Variants in ABCA12 observed in about 807,000 individuals in gnomAD.
ABCA12 encodes the protein glucosylceramide transporter ABCA12.
In ABCA12, 156 loss-of-function variants were observed where a neutral mutation model predicts 293.5. The observed-to-expected ratio is 0.53, with a 90% CI of 0.47 to 0.61. The LOEUF (loss-of-function observed/expected upper bound fraction) is 0.61, where lower values mean the gene tolerates loss of function less well. ABCA12 is among the 20% of genes least tolerant of loss of function. The probability of loss-of-function intolerance (pLI) is 0.00; values close to 1 mark genes in which losing one functional copy is unlikely to be tolerated. For missense variants in ABCA12, 2,797 were observed against 3,090.2 expected (o/e 0.91, Z 2.25); for synonymous variants, 1,063 against 1,108.0 (o/e 0.96, Z 0.81).
chr2:214,933,585 T>A (rs1271111820), intron 52 of ABCA12, among the ~76,000 whole-genome samples: 1 of 151,550 alleles, frequency 6.6e-6, no homozygotes, highest in Non-Finnish European at 1.5e-5. Context: ...TCTGTAGTTA[T>A]TAAATGCAAA....
intron 1 of ABCA12, among the ~76,000 whole-genome samples, chr2:215,131,240 A>C (rs926606811): frequency 6.6e-6 from 1 of 151,714 alleles, no homozygotes; most frequent in Admixed American, 6.6e-5. Context: ...GTGATGGTGG[A>C]TTCATAGAAT....
chr2:214,946,210 G>T (rs1160725784), intron 48 of ABCA12, among the ~76,000 whole-genome samples: 1 of 151,954 alleles, frequency 6.6e-6, no homozygotes, highest in Non-Finnish European at 1.5e-5. Context: ...ATTATTATGT[G>T]TCAATTAAAA....
chr2:215,054,292 TAA>T, intron 4 of ABCA12, among the ~76,000 whole-genome samples: 1 of 152,046 alleles, frequency 6.6e-6, no homozygotes, highest in East Asian at 1.9e-4. Flanking sequence ...TGCAGACAAC[TAA>T]AGAGTCTAGA....
intron 3 of ABCA12, among the ~76,000 whole-genome samples, chr2:215,055,226 C>T (rs1322015612): frequency 6.6e-6 from 1 of 151,988 alleles, no homozygotes; most frequent in Non-Finnish European, 1.5e-5. Context: ...AAAGGAATAA[C>T]ATTAAAATAA....
In ABCA12 at chr2:215,135,226, CG is replaced by C. The variant is rs1289022076; in HGVS notation, c.69+2913del. Among the ~76,000 whole-genome samples, 6 of 152,110 alleles carry C rather than the reference CG, an allele frequency of 3.9e-5. No homozygotes were observed. The East Asian group carries it at 1.2e-3, about 29-fold the overall frequency. ...CACCTGATTCGGCCTCCCAAAGTGC[CG>C]GGATTACAGGCATGAGCCACTGCGC... On this transcript the variant is annotated intron_variant, in intron 1 of 52. Coordinates refer to ENST00000272895, the MANE Select transcript of ABCA12 (RefSeq NM_173076.3).
At chr2:214,996,356 G>C (rs568368552) in intron 23 of ABCA12, among the ~76,000 whole-genome samples, 1 of 152,062 alleles carries the variant, frequency 6.6e-6, no homozygotes, top group South Asian at 2.1e-4. Context: ...TCTATTTACT[G>C]TTTCTATCAC....
intron 9 of ABCA12, among the ~76,000 whole-genome samples, chr2:215,030,473 A>G (rs1175380778): frequency 9.9e-5 from 15 of 151,978 alleles, no homozygotes; most frequent in South Asian, 6.2e-4. Context: ...GCGTGGTGGC[A>G]AGCGCCTGTA....
chr2:215,001,839 A>C (rs1700153404), intron 20 of ABCA12, 102 bp from the exon 21 acceptor site: 3 of 1,055,032 alleles, frequency 2.8e-6, no homozygotes, highest in Non-Finnish European at 4.1e-6. Context: ...CTAGATTATA[A>C]ATAACAAAAG....
At position 215,099,480 on chromosome 2, in the gene ABCA12, G is replaced by T. The variant is rs569737384; in HGVS notation, c.163+12117C>A. On this transcript the variant is annotated intron_variant, in intron 2 of 52. Transcript: ENST00000272895. ...GAAGCCAAGGCGGGCAGATCACAAG[G>T]TCAAGAGATCGAGACCATCCAGGCC... is the stretch of plus-strand genomic sequence containing the variant. Among the ~76,000 whole-genome samples the T allele has an allele frequency of 2.0e-5, 3 of 152,256 alleles. 1 individual carries two copies. The South Asian group carries it at 6.2e-4, about 32-fold the overall frequency.
rs1701385692 is a variant in ABCA12, at chr2:215,054,650, T to C, written c.332A>G (p.Lys111Arg). The change falls in exon 4 of 53, where the codon AAG becomes AGG. Residue 111 changes from lysine (K) to arginine (R), a missense_variant. Around this residue, in one of 3 missense-constraint regions of ABCA12, gnomAD observed 656 missense variants for 638.2 expected, o/e 1.03. Coordinates refer to ENST00000272895, the MANE Select transcript of ABCA12 (RefSeq NM_173076.3). ...ALFKDSEILR[K>R]SSNLDKDSSL... Reference sequence around the variant, plus strand: ...GCTGTCCTTATCCAGGTTGGATGACTTTCTCAGAATCTCACTAGAGAAGAA... The same window carrying C: ...GCTGTCCTTATCCAGGTTGGATGACCTTCTCAGAATCTCACTAGAGAAGAA... 2.5e-6 allele frequency: 4 copies of C among 1,611,696 alleles called. No homozygotes were observed. The highest frequency in any genetic ancestry group is 3.3e-4 in the Middle Eastern group (2 of 6,040).
intron 2 of ABCA12, among the ~76,000 whole-genome samples, chr2:215,099,565 T>C (rs1478292846): frequency 6.6e-6 from 1 of 152,044 alleles, no homozygotes. Context: ...CGGTGGCGTA[T>C]GCCTGTAATC....
At chr2:215,008,894 G>C (rs112906953) in intron 18 of ABCA12, among the ~76,000 whole-genome samples, 6,065 of 152,142 alleles carry the variant, frequency 0.04, 393 homozygotes, top group African/African-American at 0.14. Context: ...AATTAGTTCA[G>C]CCATTGTGGA....
chr2:214,960,392 G>C (rs1015468203), intron 39 of ABCA12: 1 of 151,954 alleles, frequency 6.6e-6, no homozygotes, highest in Non-Finnish European at 1.5e-5. Flanking sequence ...TTGTATTTCA[G>C]AATCAAGAAA....
At chr2:215,095,574 T>C (rs1207864375) in intron 2 of ABCA12, among the ~76,000 whole-genome samples, 1 of 152,106 alleles carries the variant, frequency 6.6e-6, no homozygotes, top group Non-Finnish European at 1.5e-5. Flanking sequence ...ACATCACGCA[T>C]TATCTCTCCA....
chr2:214,972,449 C>A (rs1198282353), intron 36 of ABCA12, among the ~76,000 whole-genome samples: 1 of 152,148 alleles, frequency 6.6e-6, no homozygotes, highest in Non-Finnish European at 1.5e-5. Flanking sequence ...CTCTCTGTCA[C>A]CCAGGCTGGA....
At chr2:215,050,246 C>T (rs543674761) in intron 5 of ABCA12, among the ~76,000 whole-genome samples, 3 of 152,194 alleles carry the variant, frequency 2.0e-5, no homozygotes, top group African/African-American at 4.8e-5. Context: ...GAAGGAGCTT[C>T]GAGGTCTATT....
chr2:215,122,985 T>C (rs73076527), intron 1 of ABCA12, among the ~76,000 whole-genome samples: 7,291 of 152,208 alleles, frequency 0.048, 573 homozygotes, highest in African/African-American at 0.17. Flanking sequence ...TCTTTGTGCC[T>C]GTGTATACCA....
intron 1 of ABCA12, among the ~76,000 whole-genome samples, chr2:215,126,607 T>C (rs1702928183): frequency 6.6e-6 from 1 of 152,190 alleles, no homozygotes; most frequent in South Asian, 2.1e-4. Context: ...CATAGTAGCC[T>C]TGAATGATCT....
At chr2:215,035,250 C>T (rs188127593) in intron 8 of ABCA12, among the ~76,000 whole-genome samples, 3 of 152,280 alleles carry the variant, frequency 2.0e-5, no homozygotes, top group African/African-American at 7.2e-5. Context: ...ATATTCTTGG[C>T]TTGATGAACT....
Sources: allele counts gnomAD v4.1 joint callset (sites outside exome capture counted in the v4.1 genomes callset), GRCh38; gene constraint gnomAD v4.1.1; regional missense constraint gnomAD v4.1.1; transcripts MANE v1.5; gene names NCBI Gene and HGNC (gene_info 2026-07-23, HGNC 2026-07-21).